STPG2: variants seen among roughly 807,000 people sequenced by gnomAD.
STPG2 encodes the protein sperm-tail PG-rich repeat-containing protein 2.
In STPG2, 56 loss-of-function variants were observed where a neutral mutation model predicts 54.2. The ratio of observed to expected loss-of-function variants is 1.03; its 90% CI spans 0.83 to 1.29. The LOEUF (loss-of-function observed/expected upper bound fraction) is 1.29. STPG2 is among the 50% of genes most tolerant of loss of function. The pLI is 0.00. For missense variants in STPG2, 596 were observed against 544.9 expected, an observed-to-expected ratio of 1.09 and a Z score of -0.93; for synonymous variants, 200 against 181.8, an observed-to-expected ratio of 1.10 and a Z score of -0.81.
At chr4:97,693,623 A>G (rs1560722242) in intron 10 of STPG2, among the ~76,000 whole-genome samples, 1 of 152,146 alleles carries the variant, frequency 6.6e-6, no homozygotes, top group Non-Finnish European at 1.5e-5. Flanking sequence ...TAGACAGGTC[A>G]TCAAGACAGA....
Position 97,577,687 on chromosome 4 carries a change from T to C in STPG2, c.1321-18570A>G, listed in dbSNP as rs146960846. 4.1e-3 allele frequency among the ~76,000 whole-genome samples: 628 copies of C among 152,218 alleles called. 3 individuals are homozygous for C. Among genetic ancestry groups the C allele is most frequent in the South Asian group, 0.02 (98 of 4,824 alleles). Reference sequence around the variant, plus strand: ...TACCCCAAACCTCAGCCTCATACCATATGTCATATAACAAACCTGCACATG... The same window carrying C: ...TACCCCAAACCTCAGCCTCATACCACATGTCATATAACAAACCTGCACATG... On this transcript the variant is annotated intron_variant, in intron 10 of 10. Coordinates refer to ENST00000295268, the MANE Select transcript of STPG2 (RefSeq NM_174952.3).
intron 9 of STPG2, among the ~76,000 whole-genome samples, chr4:97,819,965 T>C (rs562521002): frequency 1.0e-3 from 157 of 152,208 alleles, no homozygotes; most frequent in African/African-American, 3.6e-3. Context: ...GATTGGTTTT[T>C]TGTTTTTTGT....
At chr4:97,581,099 T>G (rs901515194) in intron 10 of STPG2, among the ~76,000 whole-genome samples, 2 of 152,130 alleles carry the variant, frequency 1.3e-5, no homozygotes, top group African/African-American at 4.8e-5. Context: ...GAGTAGCCAC[T>G]AGCCATTTGT....
chr4:97,972,203 A>G, intron 7 of STPG2, 77 bp downstream of exon 7: 1 of 981,260 alleles, frequency 1.0e-6, no homozygotes, highest in Non-Finnish European at 1.4e-6. Flanking sequence ...TCTATTAATT[A>G]TAACATGTAA....
At chr4:97,745,377 A>T (rs1385647335) in intron 9 of STPG2, among the ~76,000 whole-genome samples, 1 of 151,126 alleles carries the variant, frequency 6.6e-6, no homozygotes, top group East Asian at 1.9e-4. Context: ...ATCAATCTAT[A>T]AAATTCTGTG....
chr4:97,603,118 C>A (rs1258311667), intron 10 of STPG2, among the ~76,000 whole-genome samples: 1 of 151,284 alleles, frequency 6.6e-6, no homozygotes, highest in Non-Finnish European at 1.5e-5. Flanking sequence ...AACTCAACTA[C>A]AAAAAACAAA....
At chr4:97,615,380 C>A (rs2148918521) in intron 10 of STPG2, among the ~76,000 whole-genome samples, 1 of 152,060 alleles carries the variant, frequency 6.6e-6, no homozygotes, top group African/African-American at 2.4e-5. Flanking sequence ...TTTGATTTGA[C>A]AATATATTGG....
At chr4:97,734,181 C>T (rs1180045473) in intron 9 of STPG2, among the ~76,000 whole-genome samples, 1 of 152,058 alleles carries the variant, frequency 6.6e-6, no homozygotes, top group African/African-American at 2.4e-5. Flanking sequence ...GAATATTCCT[C>T]CTATTCCTAA....
At chr4:97,898,570 C>T (rs1231250295) in intron 8 of STPG2, among the ~76,000 whole-genome samples, 1 of 151,554 alleles carries the variant, frequency 6.6e-6, no homozygotes, top group Non-Finnish European at 1.5e-5. Context: ...TCGAATGTTT[C>T]TATACAAGAA....
chr4:97,688,257 C>T (rs1723259300), intron 10 of STPG2, among the ~76,000 whole-genome samples: 1 of 151,726 alleles, frequency 6.6e-6, no homozygotes, highest in South Asian at 2.1e-4. Flanking sequence ...TAATAAAGTT[C>T]AATTAGGGCA....
chr4:97,791,231 T>C (rs1397475577), intron 9 of STPG2, among the ~76,000 whole-genome samples: 1 of 152,192 alleles, frequency 6.6e-6, no homozygotes, highest in Non-Finnish European at 1.5e-5. Flanking sequence ...AAATATATTG[T>C]ATAGTTCAAA....
At chr4:97,470,994 G>A (rs549780591) in intron 4 of STPG2, among the ~76,000 whole-genome samples, 109 of 152,226 alleles carry the variant, frequency 7.2e-4, no homozygotes, top group African/African-American at 2.6e-3. Context: ...TGGGTATTAG[G>A]AGCAGACAGT....
At chr4:97,605,797 A>G (rs1217615268) in intron 10 of STPG2, among the ~76,000 whole-genome samples, 2 of 150,152 alleles carry the variant, frequency 1.3e-5, no homozygotes, top group Non-Finnish European at 3.0e-5. Context: ...TTTCAATAAT[A>G]TTTGCATTAA....
At chr4:98,020,828 G>C (rs1301632548) in intron 5 of STPG2, among the ~76,000 whole-genome samples, 3 of 152,116 alleles carry the variant, frequency 2.0e-5, no homozygotes, top group Non-Finnish European at 4.4e-5. Context: ...AGTATTCTCT[G>C]ATGGTAGTTT....
chr4:97,748,219 G>A (rs538096928), intron 9 of STPG2, among the ~76,000 whole-genome samples: 1 of 151,480 alleles, frequency 6.6e-6, no homozygotes, highest in African/African-American at 2.4e-5. Context: ...CAAACTTACA[G>A]TATTACTGCT....
At chr4:97,561,856 C>G (rs139159218) in intron 10 of STPG2, among the ~76,000 whole-genome samples, 2,602 of 152,100 alleles carry the variant, frequency 0.017, 65 homozygotes, top group African/African-American at 0.058. Flanking sequence ...TTGTAGTATA[C>G]TTTGAAGTCA....
chr4:98,075,169 C>T (rs79477202), intron 5 of STPG2, among the ~76,000 whole-genome samples: 2,085 of 152,294 alleles, frequency 0.014, 49 homozygotes, highest in African/African-American at 0.047. Flanking sequence ...CTCCTGTTTT[C>T]TGTCTTCCCA....
intron 3 of STPG2, among the ~76,000 whole-genome samples, chr4:98,123,318 G>C (rs1389376058): frequency 1.3e-5 from 2 of 151,706 alleles, no homozygotes; most frequent in Non-Finnish European, 2.9e-5. Context: ...TTTTTAATGT[G>C]GGCATTTATT....
At chr4:97,882,344 A>C (rs773118405) in intron 8 of STPG2, among the ~76,000 whole-genome samples, 6 of 152,204 alleles carry the variant, frequency 3.9e-5, no homozygotes, top group African/African-American at 7.2e-5. Flanking sequence ...AACTCCACCC[A>C]GGTCATTCTC....
Sources: allele counts gnomAD v4.1 joint callset (sites outside exome capture counted in the v4.1 genomes callset), GRCh38; gene constraint gnomAD v4.1.1; transcripts MANE v1.5; gene names NCBI Gene and HGNC (gene_info 2026-07-23, HGNC 2026-07-21).